EDA: variants seen among roughly 807,000 people sequenced by gnomAD.
EDA encodes ectodysplasin A.
EDA carries 2 observed loss-of-function variants against 23.6 expected under a neutral mutation model. The observed-to-expected ratio is 0.08, with a 90% CI of 0.03 to 0.27. EDA has a LOEUF of 0.27. Among genes scored for constraint, EDA ranks in the 10% least tolerant of loss-of-function variants. EDA has a pLI of 1.00. For synonymous variants in EDA, 131 were observed against 132.0 expected (o/e 0.99, Z 0.05); for missense variants, 229 against 324.2 (o/e 0.71, Z 2.26).
At chrX:69,994,421 T>C (rs1346372535) in intron 2 of EDA, among the ~76,000 whole-genome samples, 1 of 112,316 alleles carries the variant, frequency 8.9e-6, no homozygotes, top group African/African-American at 3.2e-5. Flanking sequence ...CCCTGCTAGA[T>C]GACCCTGATG....
At chrX:70,027,751 A>C in intron 3 of EDA, 106 bp from the exon 4 acceptor site, 4 of 488,905 alleles carry the variant, frequency 8.2e-6, no homozygotes, top group Non-Finnish European at 1.5e-5. Context: ...TGAACCCGGG[A>C]GGTGGAGGTT....
chrX:69,654,757 T>C (rs2147247229), intron 1 of EDA, among the ~76,000 whole-genome samples: 1 of 81,881 alleles, frequency 1.2e-5, no homozygotes, highest in South Asian at 7.7e-4. Context: ...TGAGAACACA[T>C]GGACACAGGA....
intron 2 of EDA, among the ~76,000 whole-genome samples, chrX:70,013,219 C>T (rs1381403572): frequency 1.8e-5 from 2 of 111,489 alleles, no homozygotes; most frequent in Admixed American, 9.4e-5. Context: ...GCAGCTGCAG[C>T]GGTATCGCCC....
intron 1 of EDA, among the ~76,000 whole-genome samples, chrX:69,810,032 TGGGC>T: frequency 4.7e-5 from 5 of 105,992 alleles, no homozygotes; most frequent in Non-Finnish European, 9.8e-5. Flanking sequence ...GGGGCTGAGG[TGGGC>T]GGATCACGAG....
At chrX:69,921,112 T>G (rs926742980) in intron 1 of EDA, among the ~76,000 whole-genome samples, 3 of 111,260 alleles carry the variant, frequency 2.7e-5, no homozygotes, top group African/African-American at 6.5e-5. Context: ...GTCCCTTTGA[T>G]GTACCCTCAT....
intron 1 of EDA, among the ~76,000 whole-genome samples, chrX:69,645,616 G>A (rs6525321): frequency 0.072 from 3,979 of 55,588 alleles, 995 homozygotes; most frequent in African/African-American, 0.34. Context: ...ATATATATAT[G>A]TGTGTGTATA....
chrX:69,652,413 C>T (rs189186389), intron 1 of EDA, among the ~76,000 whole-genome samples: 158 of 111,518 alleles, frequency 1.4e-3, no homozygotes, highest in African/African-American at 4.8e-3. Context: ...TTATAATACT[C>T]GGTATTGACT....
intron 1 of EDA, among the ~76,000 whole-genome samples, chrX:69,661,632 G>T (rs1933511001): frequency 9.0e-6 from 1 of 110,819 alleles, no homozygotes; most frequent in South Asian, 3.8e-4. Flanking sequence ...GTTTTTGTCA[G>T]GTTTGTCAAA....
At chrX:69,869,218 A>G (rs917272456) in intron 1 of EDA, among the ~76,000 whole-genome samples, 1 of 111,014 alleles carries the variant, frequency 9.0e-6, no homozygotes, top group East Asian at 2.8e-4. Flanking sequence ...CACTGAGGAA[A>G]TGACCACAGG....
At chrX:69,617,041 C>G (rs1931994539) in intron 1 of EDA, 2 of 397,403 alleles carry the variant, frequency 5.0e-6, no homozygotes, top group African/African-American at 5.1e-5. Context: ...CCCTTCTGCT[C>G]GTGATGAGGT....
intron 1 of EDA, among the ~76,000 whole-genome samples, chrX:69,886,217 A>G (rs1209473674): frequency 1.8e-5 from 2 of 112,096 alleles, no homozygotes; most frequent in Non-Finnish European, 3.8e-5. Flanking sequence ...AAAAAGTGGC[A>G]TCAGCCCCCC....
At chrX:69,941,522 T>C (rs1245575174) in intron 1 of EDA, among the ~76,000 whole-genome samples, 2 of 112,083 alleles carry the variant, frequency 1.8e-5, no homozygotes, top group Admixed American at 1.9e-4. Context: ...TTTATCATTA[T>C]ATAATGACCT....
chrX:69,793,573 T>G (rs2015467085), intron 1 of EDA, among the ~76,000 whole-genome samples: 1 of 86,748 alleles, frequency 1.2e-5, no homozygotes, highest in Admixed American at 1.2e-4. Flanking sequence ...TGTTTTTGTT[T>G]TTTTTTTTTT....
intron 1 of EDA, among the ~76,000 whole-genome samples, chrX:69,902,788 G>A (rs1352122301): frequency 9.0e-6 from 1 of 111,427 alleles, no homozygotes; most frequent in Non-Finnish European, 1.9e-5. Flanking sequence ...GTAAAATCCA[G>A]TAATTACTGG....
At chrX:69,821,988 C>A (rs1056478092) in intron 1 of EDA, among the ~76,000 whole-genome samples, 11 of 111,088 alleles carry the variant, frequency 9.9e-5, no homozygotes, top group African/African-American at 3.6e-4. Context: ...AACTTTTTTA[C>A]TGAAAATTGG....
intron 1 of EDA, among the ~76,000 whole-genome samples, chrX:69,908,923 T>C (rs2018217308): frequency 9.1e-6 from 1 of 109,933 alleles, no homozygotes; most frequent in Admixed American, 9.8e-5. Context: ...GACAACCATC[T>C]TTTGGAGTGA....
chrX:69,978,273 C>T (rs1164070397), intron 2 of EDA, among the ~76,000 whole-genome samples: 4 of 86,643 alleles, frequency 4.6e-5, no homozygotes, highest in African/African-American at 1.8e-4. Flanking sequence ...TGCCTGAGTT[C>T]AGGAGTTCGA....
intron 1 of EDA, among the ~76,000 whole-genome samples, chrX:69,713,745 G>A (rs1209596909): frequency 9.0e-6 from 1 of 111,726 alleles, no homozygotes; most frequent in Non-Finnish European, 1.9e-5. Flanking sequence ...TGGATGAACT[G>A]TAGTTTGTTT....
At chrX:69,743,521 G>C (rs1207368387) in intron 1 of EDA, among the ~76,000 whole-genome samples, 1 of 111,653 alleles carries the variant, frequency 9.0e-6, no homozygotes, top group Non-Finnish European at 1.9e-5. Context: ...CTGATTCCCT[G>C]GGCTAAGATC....
Sources: allele counts gnomAD v4.1 joint callset (sites outside exome capture counted in the v4.1 genomes callset), GRCh38; gene constraint gnomAD v4.1.1; transcripts MANE v1.5; gene names NCBI Gene and HGNC (gene_info 2026-07-23, HGNC 2026-07-21).